Variants in TMEM132D observed in about 807,000 individuals in gnomAD.
TMEM132D encodes transmembrane protein 132D.
A neutral mutation model predicts 62.3 loss-of-function variants in TMEM132D; 21 were observed. The ratio of observed to expected loss-of-function variants is 0.34; its 90% CI spans 0.24 to 0.49. The LOEUF (loss-of-function observed/expected upper bound fraction) is 0.49. Among genes scored for constraint, TMEM132D ranks in the 20% least tolerant of loss-of-function variants. The pLI is 0.99. For missense variants in TMEM132D, 1,346 were observed against 1,402.8 expected (o/e 0.96, Z 0.65); for synonymous variants, 621 against 575.6 (o/e 1.08, Z -1.13).
At chr12:129,282,789 A>G (rs1449141407) in intron 4 of TMEM132D, among the ~76,000 whole-genome samples, 1 of 152,222 alleles carries the variant, frequency 6.6e-6, no homozygotes, top group East Asian at 1.9e-4. Flanking sequence ...TCAGATCATG[A>G]TAATCTATTG....
chr12:129,257,188 C>A (rs1313411018), intron 4 of TMEM132D, among the ~76,000 whole-genome samples: 1 of 149,914 alleles, frequency 6.7e-6, no homozygotes, highest in Non-Finnish European at 1.5e-5. Context: ...GGCATCCAGG[C>A]ATCCCCTGTT....
In TMEM132D at chr12:129,542,549, C is replaced by T. The variant is rs921268382; in HGVS notation, c.969-11344G>A. Among the ~76,000 whole-genome samples, 17 of 152,098 alleles carry T rather than the reference C, an allele frequency of 1.1e-4. 1 individual carries two copies. The highest frequency in any genetic ancestry group is 9.8e-4 in the Admixed American group (15 of 15,282). On this transcript the variant is annotated intron_variant, in intron 2 of 8. Coordinates refer to ENST00000422113, the MANE Select transcript of TMEM132D (RefSeq NM_133448.3). ...GAATGGGGATATAAGAGAAGTTCCT[C>T]TTGCTACAGACATCTATCGTCAAAC...
At chr12:129,086,000 G>A (rs531841643) in intron 5 of TMEM132D, 54 of 152,258 alleles carry the variant, frequency 3.5e-4, no homozygotes, top group African/African-American at 1.2e-3. Context: ...ATCTATAAAC[G>A]TTACCTTACT....
intron 2 of TMEM132D, among the ~76,000 whole-genome samples, chr12:129,545,190 G>A (rs1407000033): frequency 6.6e-6 from 1 of 152,110 alleles, no homozygotes; most frequent in Non-Finnish European, 1.5e-5. Flanking sequence ...ACTTGGGAGA[G>A]TGTGAGATTT....
intron 2 of TMEM132D, among the ~76,000 whole-genome samples, chr12:129,573,243 A>T (rs1221341721): frequency 6.6e-6 from 1 of 152,074 alleles, no homozygotes; most frequent in Non-Finnish European, 1.5e-5. Context: ...GGGGATGAGG[A>T]ATGAGCAGAG....
At chr12:129,101,551 ACTAT>A (rs1018160283) in intron 5 of TMEM132D, among the ~76,000 whole-genome samples, 3 of 152,138 alleles carry the variant, frequency 2.0e-5, no homozygotes, top group African/African-American at 7.2e-5. Flanking sequence ...AGGTTAAAAC[ACTAT>A]CTACAAGAGG....
At chr12:129,645,727 A>G (rs911832772) in intron 2 of TMEM132D, among the ~76,000 whole-genome samples, 1 of 152,216 alleles carries the variant, frequency 6.6e-6, no homozygotes, top group African/African-American at 2.4e-5. Context: ...AAGAGGATGC[A>G]ATAGAGAAGC....
At position 129,221,169 on chromosome 12, in the gene TMEM132D, T is replaced by C. The variant is rs117387719; in HGVS notation, c.1300-11506A>G. Among the ~76,000 whole-genome samples, 849 of 152,330 alleles carry C rather than the reference T, an allele frequency of 5.6e-3. 10 individuals carry two copies. Among genetic ancestry groups the C allele is most frequent in the South Asian group, 0.016 (76 of 4,826 alleles). ...GGGTTGAAGCAATACAGCTTTCATGTTCAATTGCCTATTCTTTCTCCTCAC... is the reference window on the plus strand; with the variant it reads ...GGGTTGAAGCAATACAGCTTTCATGCTCAATTGCCTATTCTTTCTCCTCAC... On this transcript the variant is annotated intron_variant, in intron 4 of 8. Transcript: ENST00000422113.
At chr12:129,362,788 G>A (rs538926332) in intron 3 of TMEM132D, among the ~76,000 whole-genome samples, 47 of 152,098 alleles carry the variant, frequency 3.1e-4, no homozygotes, top group African/African-American at 1.0e-3. Flanking sequence ...ATCAGAATAC[G>A]GTAGAATTGG....
chr12:129,880,858 T>C (rs1376147440), intron 1 of TMEM132D, among the ~76,000 whole-genome samples: 3 of 152,156 alleles, frequency 2.0e-5, no homozygotes, highest in African/African-American at 4.8e-5. Flanking sequence ...AGGAAGATTG[T>C]AGATGTAAAT....
intron 3 of TMEM132D, among the ~76,000 whole-genome samples, chr12:129,374,683 C>T (rs1405234785): frequency 6.6e-6 from 1 of 152,276 alleles, no homozygotes; most frequent in African/African-American, 2.4e-5. Context: ...TTGACAGCCA[C>T]AGCATGAGGC....
chr12:129,172,153 A>G (rs1332651819), intron 5 of TMEM132D, among the ~76,000 whole-genome samples: 1 of 152,148 alleles, frequency 6.6e-6, no homozygotes, highest in Non-Finnish European at 1.5e-5. Context: ...GCACTTTTAT[A>G]TTGTGAAGAT....
intron 4 of TMEM132D, among the ~76,000 whole-genome samples, chr12:129,256,789 G>A (rs1335661180): frequency 6.6e-6 from 1 of 152,192 alleles, no homozygotes; most frequent in Non-Finnish European, 1.5e-5. Flanking sequence ...ACAGGATCTT[G>A]ACCTCAGGTG....
chr12:129,695,114 C>G (rs1656529213), intron 2 of TMEM132D, among the ~76,000 whole-genome samples: 1 of 152,228 alleles, frequency 6.6e-6, no homozygotes, highest in African/African-American at 2.4e-5. Context: ...ACAAATCATT[C>G]ATTGCTCAAT....
intron 5 of TMEM132D, among the ~76,000 whole-genome samples, chr12:129,150,901 G>A (rs11610330): frequency 0.2 from 30,013 of 152,054 alleles, 3,069 homozygotes; most frequent in Admixed American, 0.24. Flanking sequence ...TCTCCTGTCC[G>A]CCCCAACCCC....
At chr12:129,354,655 G>A (rs1490880151) in intron 3 of TMEM132D, among the ~76,000 whole-genome samples, 3 of 152,032 alleles carry the variant, frequency 2.0e-5, no homozygotes, top group African/African-American at 4.8e-5. Flanking sequence ...GCCAAACACT[G>A]CTTTAAAAGC....
chr12:129,272,660 C>G (rs533741683), intron 4 of TMEM132D, among the ~76,000 whole-genome samples: 1 of 151,734 alleles, frequency 6.6e-6, no homozygotes, highest in East Asian at 1.9e-4. Flanking sequence ...TTGTTTAAAT[C>G]CCTTATAGAT....
At chr12:129,811,214 T>C (rs890001063) in intron 1 of TMEM132D, among the ~76,000 whole-genome samples, 1 of 151,678 alleles carries the variant, frequency 6.6e-6, no homozygotes, top group Admixed American at 6.6e-5. Context: ...ATGTACAATA[T>C]TATAAAGATA....
intron 4 of TMEM132D, among the ~76,000 whole-genome samples, chr12:129,304,662 CTTTTTTTTT>C (rs35812965): frequency 4.3e-5 from 4 of 93,608 alleles, no homozygotes; most frequent in Non-Finnish European, 6.1e-5. Flanking sequence ...ATACTTGGAT[CTTTTTTTTT>C]TTTTTTTTTT....
Sources: gnomAD v4.1 joint callset for allele counts (sites outside exome capture counted in the v4.1 genomes callset) on GRCh38, gnomAD v4.1.1 for gene constraint, MANE v1.5 for transcripts, NCBI Gene and HGNC (gene_info 2026-07-23, HGNC 2026-07-21) for gene names.